The following CD247 variants were observed in gnomAD, a reference collection of about 807,000 sequenced individuals.
The protein encoded by CD247 is T-cell surface glycoprotein CD3 zeta chain.
Under a neutral mutation model 30.0 loss-of-function variants are expected in CD247, and 13 were observed. That is an observed-to-expected ratio of 0.43 (90% CI 0.28 to 0.69). The LOEUF (loss-of-function observed/expected upper bound fraction) is 0.69, where lower values mean the gene tolerates loss of function less well. Ranked by LOEUF, CD247 falls within the 30% of genes least tolerant of loss-of-function variation. The pLI is 0.16. For synonymous variants in CD247, 72 were observed against 80.0 expected, an observed-to-expected ratio of 0.90 and a Z score of 0.53; for missense variants, 193 against 212.6, an observed-to-expected ratio of 0.91 and a Z score of 0.57.
At chr1:167,441,853 G>A (rs1045126967) in intron 1 of CD247, among the ~76,000 whole-genome samples, 2 of 152,258 alleles carry the variant, frequency 1.3e-5, no homozygotes, top group Non-Finnish European at 2.9e-5. Flanking sequence ...GCTCACGCCT[G>A]TAATCCCAGC....
At position 167,507,210 on chromosome 1, in the gene CD247, C is replaced by T. The variant is rs186833442; in HGVS notation, c.58+11198G>A. Among the ~76,000 whole-genome samples the T allele has an allele frequency of 1.1e-4, 17 of 151,628 alleles. 1 individual carries two copies. Among genetic ancestry groups the T allele is most frequent in the South Asian group, 8.3e-4 (4 of 4,794 alleles). ...CTGAGATTACAGGTGTAAGCCACCA[C>T]GCCTGGCCTGAATTTTTTTTTTTTT... On this transcript the variant is annotated intron_variant, in intron 1 of 7. Coordinates refer to ENST00000362089, the MANE Select transcript of CD247 (RefSeq NM_198053.3).
At chr1:167,485,213 T>G (rs1431104403) in intron 1 of CD247, among the ~76,000 whole-genome samples, 1 of 152,104 alleles carries the variant, frequency 6.6e-6, no homozygotes, top group African/African-American at 2.4e-5. Context: ...GGGGGGCATT[T>G]GAAAATGAAA....
intron 1 of CD247, among the ~76,000 whole-genome samples, chr1:167,493,067 G>C (rs704849): frequency 0.39 from 46,357 of 119,224 alleles, 9,424 homozygotes; most frequent in East Asian, 0.65. Flanking sequence ...TTTTGAGATG[G>C]AGTGTCACTC....
At chr1:167,464,352 C>T (rs1396237331) in intron 1 of CD247, among the ~76,000 whole-genome samples, 2 of 152,176 alleles carry the variant, frequency 1.3e-5, no homozygotes, top group Non-Finnish European at 2.9e-5. Context: ...TTTCCCCAAA[C>T]ACTTGGCTCC....
intron 1 of CD247, among the ~76,000 whole-genome samples, chr1:167,491,046 A>G (rs1654423623): frequency 6.6e-6 from 1 of 152,188 alleles, no homozygotes; most frequent in Non-Finnish European, 1.5e-5. Flanking sequence ...CATTTAAAAT[A>G]GTCTATTTTA....
intron 4 of CD247, among the ~76,000 whole-genome samples, chr1:167,436,426 C>A (rs189228864): frequency 6.6e-6 from 1 of 152,276 alleles, no homozygotes; most frequent in East Asian, 1.9e-4. Flanking sequence ...CAAAGATGCC[C>A]ACACTCACTA....
At chr1:167,514,728 G>A (rs965243752) in intron 1 of CD247, among the ~76,000 whole-genome samples, 4 of 151,860 alleles carry the variant, frequency 2.6e-5, no homozygotes, top group Admixed American at 6.6e-5. Flanking sequence ...AACTATTTCC[G>A]GTATTTATTA....
chr1:167,493,507 T>A (rs1654542446), intron 1 of CD247, among the ~76,000 whole-genome samples: 1 of 152,188 alleles, frequency 6.6e-6, no homozygotes, highest in Non-Finnish European at 1.5e-5. Flanking sequence ...GGGCTGACAT[T>A]CATTGTATCT....
chr1:167,453,037 A>ATAGATATATATTATAGATATATAT (rs1410326160), intron 1 of CD247, among the ~76,000 whole-genome samples: 16 of 98,906 alleles, frequency 1.6e-4, no homozygotes, highest in African/African-American at 6.9e-4. Context: ...GATATATATT[A>ATAGATATATATTATAGATATATAT]TATATATATA....
At chr1:167,477,379 C>CT (rs1558016714) in intron 1 of CD247, among the ~76,000 whole-genome samples, 2 of 152,184 alleles carry the variant, frequency 1.3e-5, no homozygotes, top group African/African-American at 4.8e-5. Flanking sequence ...AGCTGCTTTT[C>CT]TTTTTTTCCA....
At chr1:167,464,067 A>T (rs1374075803) in intron 1 of CD247, among the ~76,000 whole-genome samples, 1 of 152,096 alleles carries the variant, frequency 6.6e-6, no homozygotes, top group African/African-American at 2.4e-5. Context: ...CCTACGGTGG[A>T]AAGTGTTGTG....
intron 1 of CD247, among the ~76,000 whole-genome samples, chr1:167,491,397 T>A (rs1024844391): frequency 6.6e-6 from 1 of 152,040 alleles, no homozygotes; most frequent in Admixed American, 6.6e-5. Context: ...GGAGAAACCC[T>A]GTCTCTACTA....
chr1:167,491,294 C>T (rs865946945), intron 1 of CD247, among the ~76,000 whole-genome samples: 2 of 152,090 alleles, frequency 1.3e-5, no homozygotes, highest in Non-Finnish European at 2.9e-5. Context: ...ACTGGCCGGG[C>T]GCAGTGGCTC....
chr1:167,438,511 G>T, intron 4 of CD247, 59 bp downstream of exon 4: 1 of 1,371,254 alleles, frequency 7.3e-7, no homozygotes, highest in Non-Finnish European at 1.0e-6. Context: ...CTCCCCCACA[G>T]CCTGGGCTGA....
At chr1:167,465,321 C>CTT (rs1653192694) in intron 1 of CD247, among the ~76,000 whole-genome samples, 1 of 115,086 alleles carries the variant, frequency 8.7e-6, no homozygotes, top group African/African-American at 3.0e-5. Flanking sequence ...TTTTTTTTTT[C>CTT]TTTTTCTTTT....
intron 1 of CD247, among the ~76,000 whole-genome samples, chr1:167,484,381 G>A (rs371735299): frequency 1.2e-4 from 18 of 152,328 alleles, no homozygotes; most frequent in African/African-American, 3.8e-4. Flanking sequence ...GCTCCCTGAA[G>A]TCCCCTCTGT....
At chr1:167,486,999 C>A (rs547419409) in intron 1 of CD247, among the ~76,000 whole-genome samples, 2 of 146,340 alleles carry the variant, frequency 1.4e-5, no homozygotes, top group East Asian at 4.1e-4. Context: ...ACTTGAACCC[C>A]AGAGATGGAG....
intron 1 of CD247, among the ~76,000 whole-genome samples, chr1:167,485,811 A>T (rs1005716508): frequency 2.0e-5 from 3 of 152,136 alleles, no homozygotes; most frequent in African/African-American, 7.2e-5. Flanking sequence ...CCACCAAAAC[A>T]ATATGACTTT....
chr1:167,472,398 C>T (rs2102050478), intron 1 of CD247, among the ~76,000 whole-genome samples: 1 of 152,304 alleles, frequency 6.6e-6, no homozygotes, highest in South Asian at 2.1e-4. Flanking sequence ...GTGTTTTAGG[C>T]TGCAGTTCAG....
Sources: gnomAD v4.1 joint callset for allele counts (sites outside exome capture counted in the v4.1 genomes callset) on GRCh38, gnomAD v4.1.1 for gene constraint, MANE v1.5 for transcripts, NCBI Gene and HGNC (gene_info 2026-07-23, HGNC 2026-07-21) for gene names.